GRIK2: variants seen among roughly 807,000 people sequenced by gnomAD.
GRIK2 encodes glutamate ionotropic receptor kainate type subunit 2, also known as glutamate receptor ionotropic, kainate 2.
Under a neutral mutation model 100.3 loss-of-function variants are expected in GRIK2, and 32 were observed. The ratio of observed to expected loss-of-function variants is 0.32; its 90% CI spans 0.24 to 0.43. The LOEUF is 0.43. GRIK2 is among the 20% of genes least tolerant of loss of function. The probability of loss-of-function intolerance (pLI) is 1.00; values close to 1 mark genes in which losing one functional copy is unlikely to be tolerated. For synonymous variants in GRIK2, 417 were observed against 389.4 expected, an observed-to-expected ratio of 1.07 and a Z score of -0.83; for missense variants, 843 against 1,114.9, an observed-to-expected ratio of 0.76 and a Z score of 3.47.
intron 7 of GRIK2, among the ~76,000 whole-genome samples, chr6:101,748,133 T>A (rs1776545442): frequency 6.6e-6 from 1 of 152,148 alleles, no homozygotes; most frequent in Non-Finnish European, 1.5e-5. Context: ...TAACATGATG[T>A]TAAAAATGGA....
At chr6:101,851,957 CAAAA>C (rs35210713) in intron 10 of GRIK2, among the ~76,000 whole-genome samples, 2 of 130,192 alleles carry the variant, frequency 1.5e-5, no homozygotes. Context: ...TGACTATGGG[CAAAA>C]AAAAAAAAAA....
intron 16 of GRIK2, among the ~76,000 whole-genome samples, chr6:102,058,321 G>A (rs1456681008): frequency 2.0e-5 from 3 of 151,552 alleles, no homozygotes; most frequent in Non-Finnish European, 4.4e-5. Flanking sequence ...GTGCCTGGTG[G>A]CATAATATCT....
At chr6:101,584,150 T>A (rs1408253619) in intron 2 of GRIK2, among the ~76,000 whole-genome samples, 3 of 152,092 alleles carry the variant, frequency 2.0e-5, no homozygotes, top group African/African-American at 7.2e-5. Flanking sequence ...TTTGTATTTA[T>A]AAGATAGAGA....
intron 7 of GRIK2, among the ~76,000 whole-genome samples, chr6:101,792,633 C>T (rs966948914): frequency 8.5e-5 from 13 of 152,056 alleles, no homozygotes; most frequent in South Asian, 2.1e-4. Flanking sequence ...CTCTGGCTGC[C>T]GTTAACATTT....
In GRIK2 at chr6:101,423,448, G is replaced by A. The variant is rs113122139; in HGVS notation, c.115+24056G>A. Among the ~76,000 whole-genome samples, 786 of 152,124 alleles carry A rather than the reference G, an allele frequency of 5.2e-3. 6 individuals carry two copies. Among genetic ancestry groups the A allele is most frequent in the African/African-American group, 0.017 (726 of 41,506 alleles). On this transcript the variant is annotated intron_variant, in intron 2 of 16. Transcript: ENST00000369134. ...GAGTGTTCCAATTTTCCACATTCTCGACAGCACTTGTTTTTTTATGTATTT... is the reference window on the plus strand; with the variant it reads ...GAGTGTTCCAATTTTCCACATTCTCAACAGCACTTGTTTTTTTATGTATTT...
At chr6:101,706,394 G>A (rs532053267) in intron 7 of GRIK2, among the ~76,000 whole-genome samples, 1 of 151,660 alleles carries the variant, frequency 6.6e-6, no homozygotes, top group Non-Finnish European at 1.5e-5. Flanking sequence ...TCATATTGTT[G>A]TATATTTACA....
chr6:101,741,842 C>A (rs915389853), intron 7 of GRIK2, among the ~76,000 whole-genome samples: 8 of 152,178 alleles, frequency 5.3e-5, no homozygotes, highest in Non-Finnish European at 1.2e-4. Flanking sequence ...GAAAATGACA[C>A]ACAACTACAC....
chr6:101,767,979 C>T (rs902874926), intron 7 of GRIK2, among the ~76,000 whole-genome samples: 3 of 152,062 alleles, frequency 2.0e-5, no homozygotes, highest in African/African-American at 7.2e-5. Flanking sequence ...ACACCTCAGC[C>T]TTCCAAGTAG....
rs666208 is a variant in GRIK2 at position 101,616,318 on chromosome 6, A to G, written c.116-5631A>G. 2.4e-3 allele frequency among the ~76,000 whole-genome samples: 371 copies of G among 151,938 alleles called. 2 individuals are homozygous for G. Among genetic ancestry groups the G allele is most frequent in the African/African-American group, 8.8e-3 (364 of 41,522 alleles). ...CATTTTTTTAAATAACAAGATTAAC[A>G]TATTTCCATTGTTAGCTATTTAAAT... On this transcript the variant is annotated intron_variant, in intron 2 of 16. Transcript: ENST00000369134.
intron 11 of GRIK2, among the ~76,000 whole-genome samples, chr6:101,879,856 T>G (rs1786124836): frequency 6.6e-6 from 1 of 151,846 alleles, no homozygotes; most frequent in African/African-American, 2.4e-5. Context: ...AAGTGAGGTC[T>G]CACGATTTCA....
chr6:101,889,304 CA>C (rs1219352508), intron 11 of GRIK2, among the ~76,000 whole-genome samples: 1 of 151,514 alleles, frequency 6.6e-6, no homozygotes, highest in Non-Finnish European at 1.5e-5. Flanking sequence ...AAAATAAAAG[CA>C]ATTTTGAAAA....
chr6:102,006,815 G>A lies in GRIK2; in HGVS notation c.2086-28526G>A, dbSNP rs9390799. 4.1e-4 allele frequency among the ~76,000 whole-genome samples: 62 copies of A among 151,698 alleles called. No individual in the cohort carries two copies. In the East Asian group the frequency reaches 5.2e-3, roughly 13 times the overall value. On this transcript the variant is annotated intron_variant, in intron 14 of 16. Transcript: ENST00000369134. ...TTGCAAGTTCTAATATAATAAAATC[G>A]CAAATAATCATATCTTATTGTTTGA...
intron 4 of GRIK2, among the ~76,000 whole-genome samples, chr6:101,657,385 C>T (rs1273784162): frequency 7.9e-5 from 12 of 152,088 alleles, no homozygotes; most frequent in East Asian, 1.9e-4. Flanking sequence ...CCTGAGGCCT[C>T]CTCAGCCATG....
At chr6:102,044,709 C>CCATAT (rs1181161273) in intron 15 of GRIK2, among the ~76,000 whole-genome samples, 1 of 151,970 alleles carries the variant, frequency 6.6e-6, no homozygotes, top group African/African-American at 2.4e-5. Context: ...CAGAGCCAAA[C>CCATAT]CATATCATTT....
At chr6:101,793,000 C>T (rs955219453) in intron 7 of GRIK2, among the ~76,000 whole-genome samples, 41 of 152,142 alleles carry the variant, frequency 2.7e-4, no homozygotes, top group African/African-American at 8.9e-4. Flanking sequence ...TTGATCGCAT[C>T]GGCTCCTGAG....
intron 7 of GRIK2, among the ~76,000 whole-genome samples, chr6:101,781,293 C>T (rs1431356191): frequency 6.6e-6 from 1 of 152,088 alleles, no homozygotes; most frequent in Non-Finnish European, 1.5e-5. Context: ...TGGCTCCTTC[C>T]AGGACAACGA....
At chr6:101,686,496 T>C in intron 7 of GRIK2, 143 bp downstream of exon 7, 1 of 588,318 alleles carries the variant, frequency 1.7e-6, no homozygotes, top group African/African-American at 1.9e-5. Flanking sequence ...ACAATGCAAA[T>C]ACTTGTATTA....
intron 9 of GRIK2, among the ~76,000 whole-genome samples, chr6:101,810,386 T>C (rs1484966996): frequency 6.6e-6 from 1 of 152,036 alleles, no homozygotes; most frequent in Non-Finnish European, 1.5e-5. Context: ...TTCCATGAGA[T>C]GATTATATAC....
intron 14 of GRIK2, among the ~76,000 whole-genome samples, chr6:102,028,545 A>G (rs1239424775): frequency 1.3e-5 from 2 of 151,264 alleles, no homozygotes; most frequent in Admixed American, 6.6e-5. Flanking sequence ...GGCAGATAGG[A>G]TAAGTTTAGT....
Sources: gnomAD v4.1 joint callset for allele counts (sites outside exome capture counted in the v4.1 genomes callset) on GRCh38, gnomAD v4.1.1 for gene constraint, MANE v1.5 for transcripts, NCBI Gene and HGNC (gene_info 2026-07-23, HGNC 2026-07-21) for gene names.